Variants in ZNF429 observed in about 807,000 individuals in gnomAD.
ZNF429 encodes zinc finger protein 429.
A neutral mutation model predicts 56.8 loss-of-function variants in ZNF429; 53 were observed. The ratio of observed to expected loss-of-function variants is 0.93; its 90% CI spans 0.75 to 1.17. The LOEUF is 1.17. ZNF429 is among the 50% of genes most tolerant of loss of function. The pLI is 0.00. For missense variants in ZNF429, 849 were observed against 788.4 expected (o/e 1.08, Z -0.92); for synonymous variants, 278 against 264.7 (o/e 1.05, Z -0.49).
At chr19:21,508,965 A>G (rs765851043) in intron 1 of ZNF429, among the ~76,000 whole-genome samples, 8 of 152,110 alleles carry the variant, frequency 5.3e-5, no homozygotes, top group Non-Finnish European at 1.2e-4. Context: ...TGTATTTTTT[A>G]GATGAAACTT....
At chr19:21,514,634 G>A (rs1346332956) in intron 1 of ZNF429, among the ~76,000 whole-genome samples, 1 of 151,866 alleles carries the variant, frequency 6.6e-6, no homozygotes, top group African/African-American at 2.4e-5. Context: ...GTCTAGGTCT[G>A]TTACCCAGGC....
At chr19:21,528,864 C>T (rs2033265605) in intron 1 of ZNF429, among the ~76,000 whole-genome samples, 1 of 152,194 alleles carries the variant, frequency 6.6e-6, no homozygotes, top group Non-Finnish European at 1.5e-5. Flanking sequence ...ACCAGCACAT[C>T]ATAAAAATTT....
Position 21,505,654 on chromosome 19 carries a change from A to G in ZNF429, c.-118A>G. 7 of 1,104,224 alleles carry G rather than the reference A, an allele frequency of 6.3e-6. No individual in the cohort carries two copies. Among genetic ancestry groups the G allele is most frequent in the Non-Finnish European group, 9.0e-6 (7 of 774,120 alleles). 68.4% of individuals were successfully genotyped at this position (1,104,224 alleles called of 1,614,324 possible). A position where few individuals can be genotyped will look rare whatever the true frequency, so the allele number is the denominator to read the frequency against. On this transcript the variant is annotated 5_prime_UTR_variant, in exon 1 of 4. Transcript: ENST00000358491. The stretch of plus-strand genomic sequence containing the variant: ...TGGCTCTTGCTGCAGCCAGAGCTCC[A>G]GGTCTCGTCTTCATTTCTGTGTCCT...
Position 21,536,562 on chromosome 19 carries a change from A to G in ZNF429, c.509A>G (p.Lys170Arg), listed in dbSNP as rs1281499685. Residue 170 changes from lysine to arginine, a missense_variant, in exon 4 of 4, where the codon AAG (lysine) becomes AGG (arginine). By Grantham distance (26) the Lys-to-Arg change is conservative (BLOSUM62 2). Coordinates refer to ENST00000358491, the MANE Select transcript of ZNF429 (RefSeq NM_001001415.4). ...AGATACAAGACAAGACATACTGGAA[A>G]GAAACCTTTCCAGTGTAAAAAATGT... ...ADRYKTRHTG[K>R]KPFQCKKCGK... is the part of the protein sequence containing the mutation. 3 of 1,613,744 alleles carry G rather than the reference A, an allele frequency of 1.9e-6. No homozygotes were observed. The highest frequency in any genetic ancestry group is 1.7e-6 in the Non-Finnish European group (2 of 1,179,886).
chr19:21,525,386 GA>G (rs1427509230), intron 1 of ZNF429, among the ~76,000 whole-genome samples: 1 of 151,998 alleles, frequency 6.6e-6, no homozygotes, highest in African/African-American at 2.4e-5. Flanking sequence ...GTAAGTCTAG[GA>G]AAAACAGAAC....
intron 1 of ZNF429, among the ~76,000 whole-genome samples, chr19:21,511,738 G>T (rs993196675): frequency 6.6e-5 from 10 of 152,034 alleles, no homozygotes; most frequent in African/African-American, 2.2e-4. Context: ...CTGGAAGGTG[G>T]AGGTTGTAGC....
Position 21,537,872 on chromosome 19 carries a change from A to G in ZNF429, c.1819A>G (p.Arg607Gly). 1.9e-6 allele frequency: 3 copies of G among 1,614,048 alleles called. No individual in the cohort carries two copies. The highest frequency in any genetic ancestry group is 2.5e-6 in the Non-Finnish European group (3 of 1,179,982). The change falls in exon 4 of 4, where the codon AGA becomes GGA. Residue 607 changes from arginine to glycine, a missense_variant. By Grantham distance (125) the Arg-to-Gly change is moderately radical. Transcript: ENST00000358491. ...TGGCAAAGCTTTTAATCGGTCCTCA[A>G]GACTTACTCAACATAAGAAAATTCA... ...ECGKAFNRSS[R>G]LTQHKKIHTR...
At chr19:21,514,435 G>A (rs757251054) in intron 1 of ZNF429, among the ~76,000 whole-genome samples, 1 of 151,710 alleles carries the variant, frequency 6.6e-6, no homozygotes, top group Non-Finnish European at 1.5e-5. Context: ...CATGCATTTG[G>A]TTTCTTTTTT....
chr19:21,531,106 C>CAAAAAAAAAAACAAAACAAAAAAAAAAA, intron 3 of ZNF429, among the ~76,000 whole-genome samples: 4 of 17,556 alleles, frequency 2.3e-4, no homozygotes, highest in African/African-American at 1.2e-3. Flanking sequence ...AACTCCATCT[C>CAAAAAAAAAAACAAAACAAAAAAAAAAA]AAAAAAAAAA....
chr19:21,536,109 T>C, intron 3 of ZNF429, among the ~76,000 whole-genome samples, 171 bp from the exon 4 acceptor site: 1 of 135,612 alleles, frequency 7.4e-6, no homozygotes, highest in African/African-American at 2.7e-5. Context: ...ACTAATATAT[T>C]TTGGTTAGTA....
intron 3 of ZNF429, among the ~76,000 whole-genome samples, chr19:21,534,935 G>A: frequency 2.0e-5 from 3 of 150,230 alleles, no homozygotes; most frequent in African/African-American, 7.3e-5. Context: ...TCAGCCTCCC[G>A]AGTAGCTGGG....
intron 1 of ZNF429, chr19:21,518,536 CTTTG>C (rs1480401330): frequency 6.6e-6 from 1 of 152,106 alleles, no homozygotes; most frequent in African/African-American, 2.4e-5. Flanking sequence ...AAGTGTTTTT[CTTTG>C]TACTGAATTA....
intron 1 of ZNF429, among the ~76,000 whole-genome samples, chr19:21,510,482 G>A (rs553325703): frequency 6.6e-6 from 1 of 152,302 alleles, no homozygotes; most frequent in South Asian, 2.1e-4. Context: ...GTGGAAGCAT[G>A]TTTATTAAGA....
At chr19:21,513,687 G>A (rs2145424842) in intron 1 of ZNF429, among the ~76,000 whole-genome samples, 1 of 152,300 alleles carries the variant, frequency 6.6e-6, no homozygotes, top group South Asian at 2.1e-4. Context: ...TTGGTATCTG[G>A]AAATGGGAGG....
chr19:21,519,271 A>G (rs1057499272), intron 1 of ZNF429, among the ~76,000 whole-genome samples: 2 of 152,200 alleles, frequency 1.3e-5, no homozygotes, highest in African/African-American at 4.8e-5. Context: ...TGTGCTCTGG[A>G]GACTCTCCCA....
chr19:21,505,876 A>G (rs1002349659), intron 1 of ZNF429, 102 bp downstream of exon 1: 2 of 1,319,040 alleles, frequency 1.5e-6, no homozygotes, highest in African/African-American at 1.5e-5. Flanking sequence ...TCAGCTCCAC[A>G]ATCTGCGCCC....
At position 21,528,771 on chromosome 19, in the gene ZNF429, A is replaced by G. The variant is rs182921763; in HGVS notation, c.4-887A>G. Among the ~76,000 whole-genome samples, 12 of 152,228 alleles carry G rather than the reference A, an allele frequency of 7.9e-5. 1 individual carries two copies. Among genetic ancestry groups the G allele is most frequent in the Admixed American group, 6.5e-4 (10 of 15,284 alleles). On this transcript the variant is annotated intron_variant, in intron 1 of 3. Coordinates refer to ENST00000358491, the MANE Select transcript of ZNF429 (RefSeq NM_001001415.4). ...GTACCTTAAACTTTGAATAAAACTG[A>G]TGTTTCTTTATGGTTAAATTCAGAC...
At position 21,534,342 on chromosome 19, in the gene ZNF429, G is replaced by A; in HGVS notation, c.227-1938G>A. ...TAGTTCCTAGTTTTATTTAGTTTTG[G>A]CCACAAAACATAGTGTGTAATTTTG... On this transcript the variant is annotated intron_variant, in intron 3 of 3. Coordinates refer to ENST00000358491, the MANE Select transcript of ZNF429 (RefSeq NM_001001415.4). 2.0e-5 allele frequency among the ~76,000 whole-genome samples: 2 copies of A among 101,038 alleles called. 1 individual carries two copies. The highest frequency in any genetic ancestry group is 4.5e-5 in the Non-Finnish European group (2 of 44,416). The allele number at this position is 101,038 out of a possible 152,430, so 66.3% of individuals were successfully genotyped here.
At position 21,535,432 on chromosome 19, in the gene ZNF429, C is replaced by CT; in HGVS notation, c.227-845dup. Among the ~76,000 whole-genome samples the CT allele has an allele frequency of 8.7e-3, 131 of 14,972 alleles. 13 individuals carry two copies. Among genetic ancestry groups the CT allele is most frequent in the African/African-American group, 0.03 (84 of 2,810 alleles). The allele number at this position is 14,972 out of a possible 152,430, so 9.8% of individuals were successfully genotyped here. A position where few individuals can be genotyped will look rare whatever the true frequency, so the allele number is the denominator to read the frequency against. The stretch of plus-strand genomic sequence containing the variant: ...TTTTCTTTTCTTTCTTTCTTTCTTT[C>CT]TTTCTTTCTTTCTTTCTTTCTTTCT... On this transcript the variant is annotated intron_variant, in intron 3 of 3. Transcript: ENST00000358491.
Sources: allele counts gnomAD v4.1 joint callset (sites outside exome capture counted in the v4.1 genomes callset), GRCh38; gene constraint gnomAD v4.1.1; transcripts MANE v1.5; gene names NCBI Gene and HGNC (gene_info 2026-07-23, HGNC 2026-07-21).